Variants in DDX10 observed in about 807,000 individuals in gnomAD.
The protein encoded by DDX10 is DEAD-box helicase 10, also known as probable ATP-dependent RNA helicase DDX10.
DDX10 carries 74 observed loss-of-function variants against 104.3 expected under a neutral mutation model. That is an observed-to-expected ratio of 0.71 (90% CI 0.59 to 0.86). The LOEUF (loss-of-function observed/expected upper bound fraction) is 0.86, where lower values mean the gene tolerates loss of function less well. Among genes scored for constraint, DDX10 ranks in the 40% least tolerant of loss-of-function variants. The pLI, the probability that DDX10 is intolerant of heterozygous loss-of-function variation, is 0.00. For missense variants in DDX10, 952 were observed against 1,040.0 expected, an observed-to-expected ratio of 0.92 and a Z score of 1.16; for synonymous variants, 351 against 353.4, an observed-to-expected ratio of 0.99 and a Z score of 0.08.
At chr11:108,923,698 G>A (rs988216992) in intron 17 of DDX10, among the ~76,000 whole-genome samples, 5 of 152,228 alleles carry the variant, frequency 3.3e-5, no homozygotes, top group African/African-American at 1.2e-4. Context: ...GATTAGTGCT[G>A]TGGTTTGTGC....
chr11:108,759,170 A>G (rs1237321052), intron 13 of DDX10, among the ~76,000 whole-genome samples: 1 of 152,100 alleles, frequency 6.6e-6, no homozygotes, highest in African/African-American at 2.4e-5. Flanking sequence ...ATAATTTAAT[A>G]ATTAACCCAT....
chr11:108,754,855 C>G (rs535796412), intron 13 of DDX10, among the ~76,000 whole-genome samples: 1 of 152,124 alleles, frequency 6.6e-6, no homozygotes, highest in South Asian at 2.1e-4. Flanking sequence ...CAGTTAAAAA[C>G]CAGAAAGTCA....
intron 15 of DDX10, among the ~76,000 whole-genome samples, chr11:108,851,874 A>C (rs957160379): frequency 6.6e-6 from 1 of 152,062 alleles, no homozygotes; most frequent in African/African-American, 2.4e-5. Context: ...ATTATGTTTT[A>C]CCTGTCCTGT....
intron 16 of DDX10, among the ~76,000 whole-genome samples, chr11:108,908,567 T>G (rs1863627862): frequency 6.6e-6 from 1 of 152,228 alleles, no homozygotes; most frequent in Non-Finnish European, 1.5e-5. Flanking sequence ...ATTCTCTGTA[T>G]TTAGGCTTCT....
chr11:108,806,212 C>T (rs1862098472), intron 13 of DDX10, among the ~76,000 whole-genome samples: 1 of 152,218 alleles, frequency 6.6e-6, no homozygotes, highest in Non-Finnish European at 1.5e-5. Context: ...ATCCCTCCGC[C>T]TTGGCCTCCC....
At chr11:108,939,450 C>T (rs532162140) in intron 17 of DDX10, among the ~76,000 whole-genome samples, 4 of 152,210 alleles carry the variant, frequency 2.6e-5, no homozygotes, top group Non-Finnish European at 5.9e-5. Context: ...GTGCCACACT[C>T]TGAGGAAGCC....
At position 108,748,235 on chromosome 11, in the gene DDX10, A is replaced by T. The variant is rs140020902; in HGVS notation, c.1965+24773A>T. ...TCTTTCTGGTCTGGGGAACACAGAG[A>T]TACGAAGCTAGGGCAATCATGTCTG... On this transcript the variant is annotated intron_variant, in intron 13 of 17. Transcript: ENST00000322536. Among the ~76,000 whole-genome samples the T allele has an allele frequency of 8.8e-3, 1,341 of 152,304 alleles. 22 individuals are homozygous for T. Among genetic ancestry groups the T allele is most frequent in the African/African-American group, 0.03 (1,229 of 41,572 alleles).
intron 14 of DDX10, among the ~76,000 whole-genome samples, chr11:108,839,746 G>A (rs982334110): frequency 3.9e-5 from 6 of 152,134 alleles, no homozygotes; most frequent in East Asian, 1.9e-4. Flanking sequence ...AAGAGGAAGC[G>A]TATCTAAATG....
intron 13 of DDX10, among the ~76,000 whole-genome samples, chr11:108,770,710 A>G (rs1283406681): frequency 6.6e-6 from 1 of 151,172 alleles, no homozygotes; most frequent in African/African-American, 2.4e-5. Flanking sequence ...ATTCTTTTTT[A>G]TGGTTCACTA....
At chr11:108,898,454 G>T (rs760960761) in intron 16 of DDX10, among the ~76,000 whole-genome samples, 2 of 151,994 alleles carry the variant, frequency 1.3e-5, no homozygotes, top group Non-Finnish European at 2.9e-5. Flanking sequence ...TTCCTGTTTG[G>T]TCACAAAGCA....
chr11:108,724,856 C>T (rs1303565488), intron 13 of DDX10, among the ~76,000 whole-genome samples: 6 of 152,042 alleles, frequency 3.9e-5, no homozygotes, highest in Admixed American at 3.9e-4. Context: ...AAAAGTTTTA[C>T]TCTATGTCAG....
Position 108,723,259 on chromosome 11 carries a change from G to T in DDX10, c.1762G>T (p.Asp588Tyr). 3 of 1,613,312 alleles carry T rather than the reference G, an allele frequency of 1.9e-6. No homozygotes were observed. Among genetic ancestry groups the T allele is most frequent in the Non-Finnish European group, 2.5e-6 (3 of 1,179,718 alleles). Residue 588 changes from aspartate (D) to tyrosine (Y), a missense_variant, in exon 13 of 18, where the codon GAT becomes TAT. Physicochemically the swap from Asp to Tyr is radical, Grantham distance 160. This residue lies in a region of DDX10 where 533 missense variants were observed against 534.1 expected (regional missense o/e 1.00). Transcript: ENST00000322536. The part of the protein sequence containing the change: ...GNEEQEEEED[D>Y]EEEMEEKLAK... ...TGAAGAACAGGAAGAAGAAGAAGACGATGAAGAAGAAATGGAAGAGAAACT... is the reference window on the plus strand; with the variant it reads ...TGAAGAACAGGAAGAAGAAGAAGACTATGAAGAAGAAATGGAAGAGAAACT...
At chr11:108,753,892 C>T (rs917496265) in intron 13 of DDX10, among the ~76,000 whole-genome samples, 1 of 151,802 alleles carries the variant, frequency 6.6e-6, no homozygotes, top group Non-Finnish European at 1.5e-5. Context: ...TCTTGAGATG[C>T]CTTAGGAATG....
At chr11:108,892,433 G>A (rs1017714831) in intron 16 of DDX10, among the ~76,000 whole-genome samples, 2 of 152,072 alleles carry the variant, frequency 1.3e-5, no homozygotes, top group South Asian at 2.1e-4. Flanking sequence ...AAGTTACCCA[G>A]TCTGAACTAT....
chr11:108,805,880 T>A (rs1862091906), intron 13 of DDX10, among the ~76,000 whole-genome samples: 1 of 152,164 alleles, frequency 6.6e-6, no homozygotes, highest in Admixed American at 6.5e-5. Flanking sequence ...TACTCAGATA[T>A]TTTTTGAATG....
At chr11:108,693,652 C>A in intron 9 of DDX10, 52 bp downstream of exon 9, 2 of 1,367,024 alleles carry the variant, frequency 1.5e-6, no homozygotes, top group Non-Finnish European at 1.0e-6. Flanking sequence ...AATAACAAAG[C>A]ATGCTTTTCC....
chr11:108,716,263 T>G (rs2094291220), intron 11 of DDX10, among the ~76,000 whole-genome samples: 1 of 152,118 alleles, frequency 6.6e-6, no homozygotes, highest in Non-Finnish European at 1.5e-5. Context: ...CACACCTGGC[T>G]AATTTTTTTG....
At position 108,678,297 on chromosome 11, in the gene DDX10, A is replaced by G. The variant is rs2094228925; in HGVS notation, c.538-18A>G. On this transcript the variant is annotated intron_variant, in intron 4 of 17. Transcript: ENST00000322536. ...AGAGTGATGTGTCTGTGTAATCAAA[A>G]TAAATAACTGTTTTCAGGATCTAAA... The G allele has an allele frequency of 2.5e-6, 4 of 1,605,630 alleles. No homozygotes were observed. Among genetic ancestry groups the G allele is most frequent in the Non-Finnish European group, 3.4e-6 (4 of 1,177,318 alleles).
At chr11:108,841,739 T>A (rs1862641634) in intron 15 of DDX10, among the ~76,000 whole-genome samples, 1 of 152,158 alleles carries the variant, frequency 6.6e-6, no homozygotes, top group African/African-American at 2.4e-5. Context: ...TTGTTATTAT[T>A]ACAGTTTTTA....
Sources: allele counts gnomAD v4.1 joint callset (sites outside exome capture counted in the v4.1 genomes callset), GRCh38; gene constraint gnomAD v4.1.1; regional missense constraint gnomAD v4.1.1; transcripts MANE v1.5; gene names NCBI Gene and HGNC (gene_info 2026-07-23, HGNC 2026-07-21).